Variants in SOX5 observed in about 807,000 individuals in gnomAD.
SOX5 encodes transcription factor SOX-5.
Under a neutral mutation model 92.0 loss-of-function variants are expected in SOX5, and 9 were observed. The ratio of observed to expected loss-of-function variants is 0.10; its 90% CI spans 0.06 to 0.17. SOX5 has a LOEUF of 0.17. Among genes scored for constraint, SOX5 ranks in the 10% least tolerant of loss-of-function variants. The pLI, the probability that SOX5 is intolerant of heterozygous loss-of-function variation, is 1.00. For missense variants in SOX5, 642 were observed against 944.5 expected, an observed-to-expected ratio of 0.68 and a Z score of 4.20; for synonymous variants, 344 against 336.3, an observed-to-expected ratio of 1.02 and a Z score of -0.25.
chr12:23,718,222 T>G (rs934115639), intron 6 of SOX5, among the ~76,000 whole-genome samples: 1 of 152,172 alleles, frequency 6.6e-6, no homozygotes, highest in African/African-American at 2.4e-5. Context: ...ACCAGTTAGA[T>G]GAAATGAAAA....
At chr12:24,430,594 A>G (rs950622815) in intron 1 of SOX5, among the ~76,000 whole-genome samples, 1 of 152,242 alleles carries the variant, frequency 6.6e-6, no homozygotes, top group South Asian at 2.1e-4. Context: ...CAACAAGTGC[A>G]CTTCCTTACA....
chr12:24,100,745 A>C (rs562768981), intron 4 of SOX5, among the ~76,000 whole-genome samples: 1 of 152,302 alleles, frequency 6.6e-6, no homozygotes, highest in African/African-American at 2.4e-5. Flanking sequence ...AATAAATCCA[A>C]ACAGAGCGCC....
At position 23,578,961 on chromosome 12, in the gene SOX5, G is replaced by GA. The variant is rs1949656638; in HGVS notation, c.1165-3124_1165-3123insT. Among the ~76,000 whole-genome samples, 4 of 152,030 alleles carry GA rather than the reference G, an allele frequency of 2.6e-5. No individual in the cohort carries two copies. In the East Asian group the frequency reaches 7.7e-4, roughly 29 times the overall value. On this transcript the variant is annotated intron_variant, in intron 9 of 14. Transcript: ENST00000451604. ...ACAAAACAAAGCAAAGCAAAGCAAA[G>GA]CAAAGAAAAAGAAAGCAAAGAGAAA...
intron 2 of SOX5, among the ~76,000 whole-genome samples, chr12:23,883,974 T>C (rs185828487): frequency 7.7e-4 from 117 of 152,324 alleles, no homozygotes; most frequent in Non-Finnish European, 1.5e-3. Context: ...TTCAAATTTT[T>C]TTTTTCTCTA....
intron 1 of SOX5, among the ~76,000 whole-genome samples, chr12:24,538,193 A>C (rs952846588): frequency 6.6e-6 from 1 of 152,160 alleles, no homozygotes; most frequent in Admixed American, 6.5e-5. Context: ...CTGCTTTAAA[A>C]TATTTTTAAC....
At chr12:23,871,034 C>A (rs1217141649) in intron 2 of SOX5, among the ~76,000 whole-genome samples, 1 of 152,002 alleles carries the variant, frequency 6.6e-6, no homozygotes, top group Non-Finnish European at 1.5e-5. Context: ...GATGAAAGGA[C>A]TACTATCTTT....
chr12:23,897,758 G>C (rs1362470418), intron 1 of SOX5, among the ~76,000 whole-genome samples: 2 of 152,140 alleles, frequency 1.3e-5, no homozygotes, highest in African/African-American at 4.8e-5. Flanking sequence ...AAACCGATCA[G>C]ATGTAATAGC....
intron 2 of SOX5, among the ~76,000 whole-genome samples, chr12:24,360,453 T>C (rs548987443): frequency 6.6e-5 from 10 of 152,168 alleles, no homozygotes; most frequent in African/African-American, 9.6e-5. Flanking sequence ...CAAATTATCA[T>C]AAAAAGTCCA....
At chr12:24,302,388 G>A (rs1204957621) in intron 2 of SOX5, among the ~76,000 whole-genome samples, 1 of 152,178 alleles carries the variant, frequency 6.6e-6, no homozygotes, top group African/African-American at 2.4e-5. Flanking sequence ...AACCCACGGG[G>A]AAGGGTTCTA....
intron 1 of SOX5, among the ~76,000 whole-genome samples, chr12:24,447,027 G>A (rs1279957451): frequency 6.6e-6 from 1 of 152,172 alleles, no homozygotes; most frequent in African/African-American, 2.4e-5. Context: ...ATAGAAATTA[G>A]TGATTGAATT....
At chr12:24,440,328 A>G (rs1197655635) in intron 1 of SOX5, among the ~76,000 whole-genome samples, 3 of 152,150 alleles carry the variant, frequency 2.0e-5, no homozygotes, top group African/African-American at 7.2e-5. Flanking sequence ...TCCTCCTGAC[A>G]GTAAATTCTT....
At chr12:23,731,057 A>T (rs2140845122) in intron 6 of SOX5, among the ~76,000 whole-genome samples, 1 of 152,290 alleles carries the variant, frequency 6.6e-6, no homozygotes, top group Admixed American at 6.5e-5. Flanking sequence ...AAAACAGAGG[A>T]AAGGTGAATG....
chr12:24,046,672 CT>C (rs61416662), intron 4 of SOX5, among the ~76,000 whole-genome samples: 4,495 of 126,726 alleles, frequency 0.035, 237 homozygotes, highest in African/African-American at 0.12. Flanking sequence ...TAAAATGTGT[CT>C]TTTTTTTTTT....
chr12:23,676,787 T>G (rs1318759221), intron 6 of SOX5, among the ~76,000 whole-genome samples: 7 of 152,176 alleles, frequency 4.6e-5, no homozygotes, highest in Admixed American at 2.6e-4. Context: ...AAACCTAAGT[T>G]AACAGTGTTC....
chr12:23,734,699 G>T lies in SOX5; in HGVS notation c.795C>A (p.Leu265=). The T allele has an allele frequency of 6.2e-7, 1 of 1,612,162 alleles. No homozygotes were observed. The change falls in exon 6 of 15, where the codon CTC becomes CTA. Residue 265 remains leucine (L), a synonymous_variant. Coordinates refer to ENST00000451604, the MANE Select transcript of SOX5 (RefSeq NM_006940.6). The stretch of plus-strand genomic sequence containing the variant: ...GATTTCTGACCTGGATCTGTTGCTG[G>T]AGCAAATTGATTTTGTGTTGTTGCT... ...LLQQQHKINL[L]QQQIQVQGQL...
At chr12:24,233,445 G>A (rs1031651821) in intron 3 of SOX5, among the ~76,000 whole-genome samples, 2 of 152,180 alleles carry the variant, frequency 1.3e-5, no homozygotes, top group Non-Finnish European at 2.9e-5. Context: ...CTAAAATTAT[G>A]TTAAGGAAAC....
At chr12:23,930,500 ATAAATTAAGGTGTTTTGGGTCCTTCAAG>A (rs1212995444) in intron 1 of SOX5, among the ~76,000 whole-genome samples, 3 of 151,712 alleles carry the variant, frequency 2.0e-5, no homozygotes, top group African/African-American at 2.4e-5. Flanking sequence ...TATCTAAGGA[ATAAATTAAGGTGTTTTGGGTCCTTCAAG>A]TGGTTTACTG....
intron 1 of SOX5, among the ~76,000 whole-genome samples, chr12:23,926,937 G>T (rs953057519): frequency 2.0e-5 from 3 of 151,944 alleles, no homozygotes; most frequent in African/African-American, 4.8e-5. Context: ...ATAGGATAAA[G>T]AACTTTTTGT....
chr12:23,740,379 T>C (rs2093751919), intron 5 of SOX5, among the ~76,000 whole-genome samples: 1 of 152,206 alleles, frequency 6.6e-6, no homozygotes, highest in South Asian at 2.1e-4. Flanking sequence ...CATCTCTTTG[T>C]CCACGGTCAT....
Sources: gnomAD v4.1 joint callset for allele counts (sites outside exome capture counted in the v4.1 genomes callset) on GRCh38, gnomAD v4.1.1 for gene constraint, MANE v1.5 for transcripts, NCBI Gene and HGNC (gene_info 2026-07-23, HGNC 2026-07-21) for gene names.